RBFOX1: variants seen among roughly 807,000 people sequenced by gnomAD.
The protein encoded by RBFOX1 is RNA binding fox-1 homolog 1.
In RBFOX1, 8 loss-of-function variants were observed where a neutral mutation model predicts 57.7. That is an observed-to-expected ratio of 0.14 (90% confidence interval 0.08 to 0.25). The LOEUF is 0.25. Among genes scored for constraint, RBFOX1 ranks in the 10% least tolerant of loss-of-function variants. RBFOX1 has a pLI of 1.00. For synonymous variants in RBFOX1, 326 were observed against 222.4 expected (o/e 1.47, Z -4.15); for missense variants, 611 against 548.5 (o/e 1.11, Z -1.14).
At chr16:7,045,219 A>G (rs1219608475) in intron 3 of RBFOX1, among the ~76,000 whole-genome samples, 1 of 152,106 alleles carries the variant, frequency 6.6e-6, no homozygotes, top group Non-Finnish European at 1.5e-5. Context: ...TAGGTGGAGT[A>G]TGGTGGTGGT....
chr16:7,470,560 G>A (rs901540008), intron 4 of RBFOX1, among the ~76,000 whole-genome samples: 1 of 151,790 alleles, frequency 6.6e-6, no homozygotes, highest in African/African-American at 2.4e-5. Flanking sequence ...TGAGTGGTAG[G>A]CAGATGAGGT....
intron 14 of RBFOX1, among the ~76,000 whole-genome samples, chr16:7,694,976 C>T (rs1357000157): frequency 1.3e-5 from 2 of 152,130 alleles, no homozygotes; most frequent in South Asian, 2.1e-4. Flanking sequence ...ATTGATTTTG[C>T]CCCGTGACTT....
chr16:7,290,436 G>C (rs538920633), intron 4 of RBFOX1, among the ~76,000 whole-genome samples: 29 of 152,284 alleles, frequency 1.9e-4, no homozygotes, highest in African/African-American at 6.3e-4. Flanking sequence ...TGGAATGTAA[G>C]CTCCATGTCC....
intron 1 of RBFOX1, among the ~76,000 whole-genome samples, chr16:5,361,151 C>T (rs1404173969): frequency 6.6e-6 from 1 of 152,170 alleles, no homozygotes; most frequent in Non-Finnish European, 1.5e-5. Context: ...ATGTAAAAGG[C>T]AAAGCTGGGA....
intron 4 of RBFOX1, among the ~76,000 whole-genome samples, chr16:7,455,377 G>C (rs9302851): frequency 0.94 from 143,879 of 152,290 alleles, 67,969 homozygotes; most frequent in East Asian, 1. Flanking sequence ...GCACATGCAT[G>C]ATAGGTTTCT....
chr16:6,931,720 T>C (rs2076592676), intron 3 of RBFOX1, among the ~76,000 whole-genome samples: 1 of 152,192 alleles, frequency 6.6e-6, no homozygotes, highest in South Asian at 2.1e-4. Context: ...GGTCTAACCC[T>C]CCCTGTTGCT....
At chr16:6,532,908 C>T (rs1036343856) in intron 2 of RBFOX1, among the ~76,000 whole-genome samples, 13 of 152,180 alleles carry the variant, frequency 8.5e-5, no homozygotes, top group Non-Finnish European at 1.8e-4. Context: ...TCACCAACAC[C>T]ACTGGTCACT....
chr16:6,925,294 C>T (rs1302364662), intron 3 of RBFOX1, among the ~76,000 whole-genome samples: 6 of 149,912 alleles, frequency 4.0e-5, no homozygotes, highest in Non-Finnish European at 1.5e-5. Context: ...TCACCATGCC[C>T]ATTTAACTTT....
At chr16:7,075,034 G>C (rs28709855) in intron 4 of RBFOX1, among the ~76,000 whole-genome samples, 2 of 152,118 alleles carry the variant, frequency 1.3e-5, no homozygotes, top group African/African-American at 4.8e-5. Context: ...AGGGGCAAAG[G>C]AACTCCCCAA....
At chr16:6,348,249 G>T (rs907984104) in intron 2 of RBFOX1, among the ~76,000 whole-genome samples, 7 of 152,188 alleles carry the variant, frequency 4.6e-5, no homozygotes, top group Non-Finnish European at 7.3e-5. Context: ...CTGTTTAGGA[G>T]CTGTGTAAAC....
At chr16:6,857,923 C>T (rs921422119) in intron 3 of RBFOX1, among the ~76,000 whole-genome samples, 1 of 152,116 alleles carries the variant, frequency 6.6e-6, no homozygotes, top group African/African-American at 2.4e-5. Flanking sequence ...ATTGCATTTA[C>T]TTTATTTTAT....
In RBFOX1 at chr16:5,947,473, T is replaced by G. The variant is rs1473573263; in HGVS notation, c.351+80138T>G. Among the ~76,000 whole-genome samples the G allele has an allele frequency of 6.6e-6, 1 of 152,178 alleles. No homozygotes were observed. Among genetic ancestry groups the G allele is most frequent in the Non-Finnish European group, 1.5e-5 (1 of 68,038 alleles). On this transcript the variant is annotated intron_variant, in intron 4 of 19. Coordinates refer to the RBFOX1 transcript ENST00000641259. The surrounding 1 kb of genome is among the most constrained non-coding windows in gnomAD (Gnocchi z 7.2). ...GCCTCGAAATCTTGTGCTCAAGCCA[T>G]TTTCCTGCCTCTGCCAGTTTTTAAA...
intron 4 of RBFOX1, among the ~76,000 whole-genome samples, chr16:7,494,830 CTTTTT>C (rs61434992): frequency 7.9e-4 from 99 of 125,440 alleles, no homozygotes; most frequent in South Asian, 2.1e-3. Context: ...GTGTTACCTA[CTTTTT>C]TTTTTTTTTT....
At position 5,846,181 on chromosome 16, in the gene RBFOX1, T is replaced by TAA. The variant is rs60988421; in HGVS notation, c.319-21107_319-21106dup. On this transcript the variant is annotated intron_variant, in intron 3 of 19. Coordinates refer to the RBFOX1 transcript ENST00000641259. The stretch of plus-strand genomic sequence containing the variant: ...TGGGCGACAGAGTGAGGCACTGTCT[T>TAA]AAAAAAAAAAAAAAAAGAATTTAGT... Among the ~76,000 whole-genome samples the TAA allele has an allele frequency of 3.7e-4, 49 of 132,422 alleles. No individual in the cohort carries two copies. In the East Asian group the frequency reaches 6.0e-3, roughly 16 times the overall value. The allele number at this position is 132,422 out of a possible 152,430, so 86.9% of individuals were successfully genotyped here.
chr16:6,926,823 G>A lies in RBFOX1; in HGVS notation c.-15-125234G>A, dbSNP rs536126862. ...ATTATCGTTTTGATCTTTCTGTCCC[G>A]TGCAGATACAAAATACATAAACATC... On this transcript the variant is annotated intron_variant, in intron 3 of 15. Transcript: ENST00000550418. 5.9e-5 allele frequency among the ~76,000 whole-genome samples: 9 copies of A among 152,192 alleles called. No homozygotes were observed. The East Asian group carries it at 1.2e-3, about 20-fold the overall frequency.
chr16:5,734,601 C>G (rs149371061), intron 3 of RBFOX1, among the ~76,000 whole-genome samples: 154 of 152,250 alleles, frequency 1.0e-3, no homozygotes, highest in Middle Eastern at 3.4e-3. Context: ...TCATCTTGCT[C>G]AGGTCCACTG....
At chr16:5,534,558 C>A (rs778481858) in intron 2 of RBFOX1, among the ~76,000 whole-genome samples, 1 of 152,128 alleles carries the variant, frequency 6.6e-6, no homozygotes, top group Non-Finnish European at 1.5e-5. Flanking sequence ...CTGAAAGCAA[C>A]CAGCGCAGGA....
intron 3 of RBFOX1, among the ~76,000 whole-genome samples, chr16:6,859,941 G>C (rs915319421): frequency 3.3e-5 from 5 of 152,142 alleles, no homozygotes; most frequent in African/African-American, 1.2e-4. Flanking sequence ...AATGAATTGA[G>C]ACAGCTGAAT....
At chr16:6,756,072 C>T (rs985060900) in intron 3 of RBFOX1, among the ~76,000 whole-genome samples, 6 of 152,154 alleles carry the variant, frequency 3.9e-5, no homozygotes, top group Non-Finnish European at 2.9e-5. Context: ...ACCACATTGG[C>T]AGCAAAACCC....
Sources: allele counts gnomAD v4.1 joint callset (sites outside exome capture counted in the v4.1 genomes callset), GRCh38; gene constraint gnomAD v4.1.1; non-coding constraint Gnocchi (gnomAD v3.1); transcripts MANE v1.5; gene names NCBI Gene and HGNC (gene_info 2026-07-23, HGNC 2026-07-21).